Variants in CUX2 observed in about 807,000 individuals in gnomAD.
The protein encoded by CUX2 is cut like homeobox 2, also known as homeobox protein cut-like 2.
In CUX2, 40 loss-of-function variants were observed where a neutral mutation model predicts 144.8. The ratio of observed to expected loss-of-function variants is 0.28; its 90% CI spans 0.21 to 0.36. The LOEUF (loss-of-function observed/expected upper bound fraction) is 0.36. Ranked by LOEUF, CUX2 falls within the 10% of genes least tolerant of loss-of-function variation. The pLI is 1.00. For synonymous variants in CUX2, 827 were observed against 875.6 expected (o/e 0.94, Z 0.98); for missense variants, 1,615 against 1,994.0 (o/e 0.81, Z 3.62).
chr12:111,158,996 G>A (rs1435062448), intron 1 of CUX2, among the ~76,000 whole-genome samples: 2 of 152,168 alleles, frequency 1.3e-5, no homozygotes, highest in African/African-American at 2.4e-5. Context: ...GGAAATGGGA[G>A]CAAGGTGCTG....
At position 111,312,306 on chromosome 12, in the gene CUX2, G is replaced by A. The variant is rs1592952651; in HGVS notation, c.2002+105G>A. On this transcript the variant is annotated intron_variant, in intron 16 of 21. Transcript: ENST00000261726. The surrounding 1 kb of genome is among the most constrained non-coding windows in gnomAD (Gnocchi z 4.3). ...TCCACCCCAGAGGGAATCCAAGGTG[G>A]ATCAGAACCACCAGAGGCCAGAGGG... 1 of 1,011,392 alleles carries A rather than the reference G, an allele frequency of 9.9e-7. No homozygotes were observed. The highest frequency in any genetic ancestry group is 2.7e-5 in the East Asian group (1 of 37,194). The allele number at this position is 1,011,392 out of a possible 1,614,324, so 62.7% of individuals were successfully genotyped here. A position where few individuals can be genotyped will look rare whatever the true frequency, so the allele number is the denominator to read the frequency against.
intron 1 of CUX2, chr12:111,100,261 C>A (rs1200566053): frequency 5.7e-6 from 2 of 349,646 alleles, no homozygotes; most frequent in Non-Finnish European, 1.1e-5. Context: ...CCTTGTGCCC[C>A]TTTGTGTGTC....
At chr12:111,101,983 T>C (rs1473258864) in intron 1 of CUX2, among the ~76,000 whole-genome samples, 1 of 152,250 alleles carries the variant, frequency 6.6e-6, no homozygotes, top group Non-Finnish European at 1.5e-5. Flanking sequence ...GAGCAGGAGC[T>C]ATTATTGTTA....
Position 111,314,501 on chromosome 12 carries a change from C to T in CUX2, c.2002+2300C>T, listed in dbSNP as rs143667955. 8.7e-4 allele frequency among the ~76,000 whole-genome samples: 133 copies of T among 152,030 alleles called. 2 individuals are homozygous for T. Among genetic ancestry groups the T allele is most frequent in the African/African-American group, 3.1e-3 (128 of 41,458 alleles). On this transcript the variant is annotated intron_variant, in intron 16 of 21. Transcript: ENST00000261726. ...GCTAAAAATACAAAAATTGGCTGGG[C>T]ATGGTGGTAGGTGCCTGTAATCCCA...
chr12:111,130,668 G>A (rs1424045595), intron 1 of CUX2, among the ~76,000 whole-genome samples: 1 of 152,206 alleles, frequency 6.6e-6, no homozygotes, highest in Non-Finnish European at 1.5e-5. Flanking sequence ...TGGGTGCATA[G>A]GTCTTAAATA....
At chr12:111,120,068 A>AT (rs925159857) in intron 1 of CUX2, among the ~76,000 whole-genome samples, 4 of 151,974 alleles carry the variant, frequency 2.6e-5, no homozygotes, top group Admixed American at 2.0e-4. Flanking sequence ...AAAAAAAAAA[A>AT]TTTTTTTTAA....
At chr12:111,243,572 T>C (rs991450442) in intron 3 of CUX2, among the ~76,000 whole-genome samples, 14 of 136,102 alleles carry the variant, frequency 1.0e-4, no homozygotes, top group African/African-American at 3.9e-4. Context: ...GGTGCAATCA[T>C]AGCTCACTGC....
intron 3 of CUX2, among the ~76,000 whole-genome samples, chr12:111,225,509 G>T (rs191342710): frequency 1.2e-3 from 179 of 152,340 alleles, no homozygotes; most frequent in African/African-American, 3.8e-3. Flanking sequence ...TTTTATAGGT[G>T]TAAAACTGGG....
chr12:111,062,214 G>A (rs541665627), intron 1 of CUX2, among the ~76,000 whole-genome samples: 6 of 152,326 alleles, frequency 3.9e-5, no homozygotes, highest in East Asian at 1.9e-4. Context: ...TGGCATGCAC[G>A]TTTCTGTTGG....
intron 1 of CUX2, among the ~76,000 whole-genome samples, chr12:111,170,545 CTTTT>C (rs34282526): frequency 1.0e-4 from 8 of 79,946 alleles, no homozygotes; most frequent in Non-Finnish European, 1.4e-4. Context: ...CCCAGCTCTT[CTTTT>C]TTTTTTTTTT....
intron 4 of CUX2, among the ~76,000 whole-genome samples, chr12:111,285,079 A>T (rs532461745): frequency 9.2e-5 from 14 of 152,122 alleles, no homozygotes; most frequent in Non-Finnish European, 7.4e-5. Context: ...CTGAGCATTC[A>T]GTCCTCAGTC....
rs533147784 is a variant in CUX2 at position 111,217,691 on chromosome 12, C to G, written c.175-199C>G. ...CAGAAAGTCCTGCAGGAAAGAAACC[C>G]CTTGGACTTGACGTTTCCCAGTCTG... On this transcript the variant is annotated intron_variant, in intron 2 of 21. Coordinates refer to ENST00000261726, the MANE Select transcript of CUX2 (RefSeq NM_015267.4). Among the ~76,000 whole-genome samples, 493 of 152,310 alleles carry G rather than the reference C, an allele frequency of 3.2e-3. 2 individuals are homozygous for G. Among genetic ancestry groups the G allele is most frequent in the Non-Finnish European group, 5.3e-3 (361 of 68,020 alleles).
intron 1 of CUX2, among the ~76,000 whole-genome samples, chr12:111,182,248 T>C (rs1879232578): frequency 6.6e-6 from 1 of 152,202 alleles, no homozygotes; most frequent in Non-Finnish European, 1.5e-5. Context: ...TTATCCATAG[T>C]GATCAGAGCT....
At chr12:111,135,935 C>T (rs1324455474) in intron 1 of CUX2, among the ~76,000 whole-genome samples, 1 of 152,190 alleles carries the variant, frequency 6.6e-6, no homozygotes, top group Non-Finnish European at 1.5e-5. Context: ...ATAAGTGCCA[C>T]TGAACTGTGT....
intron 1 of CUX2, among the ~76,000 whole-genome samples, chr12:111,129,857 C>T (rs1327063521): frequency 6.6e-6 from 1 of 152,178 alleles, no homozygotes; most frequent in African/African-American, 2.4e-5. Context: ...TTCAATTATG[C>T]ATTCCAGAAC....
At chr12:111,309,196 C>T (rs1378274734) in intron 14 of CUX2, among the ~76,000 whole-genome samples, 1 of 152,218 alleles carries the variant, frequency 6.6e-6, no homozygotes, top group African/African-American at 2.4e-5. Flanking sequence ...TAAGCCACCG[C>T]ACCCAGCCAC....
intron 8 of CUX2, 55 bp from the exon 9 acceptor site, chr12:111,298,486 G>A (rs907232248): frequency 1.6e-5 from 24 of 1,534,010 alleles, no homozygotes; most frequent in South Asian, 2.4e-5. Flanking sequence ...CAGGAGGGGC[G>A]GGGGCCTGGA....
intron 1 of CUX2, among the ~76,000 whole-genome samples, chr12:111,179,914 C>T (rs556860227): frequency 5.3e-5 from 8 of 152,294 alleles, no homozygotes; most frequent in Admixed American, 4.6e-4. Context: ...GAGCTACTGA[C>T]CTCAGGGGAC....
At chr12:111,274,082 T>G (rs1430583743) in intron 4 of CUX2, among the ~76,000 whole-genome samples, 4 of 152,112 alleles carry the variant, frequency 2.6e-5, no homozygotes, top group Admixed American at 6.5e-5. Context: ...GGGGTTTTTT[T>G]GTTGGGTGTT....
Sources: allele counts gnomAD v4.1 joint callset (sites outside exome capture counted in the v4.1 genomes callset), GRCh38; gene constraint gnomAD v4.1.1; non-coding constraint Gnocchi (gnomAD v3.1); transcripts MANE v1.5; gene names NCBI Gene and HGNC (gene_info 2026-07-23, HGNC 2026-07-21).